UST: variants seen among roughly 807,000 people sequenced by gnomAD.
UST encodes the protein chondroitin sulfate 2-O-sulfotransferase.
A neutral mutation model predicts 45.6 loss-of-function variants in UST; 21 were observed. The observed-to-expected ratio is 0.46, with a 90% CI of 0.33 to 0.66. UST has a LOEUF of 0.66. Ranked by LOEUF, UST falls within the 30% of genes least tolerant of loss-of-function variation. The probability of loss-of-function intolerance (pLI) is 0.02; values close to 1 mark genes in which losing one functional copy is unlikely to be tolerated. For synonymous variants in UST, 215 were observed against 200.6 expected (o/e 1.07, Z -0.61); for missense variants, 463 against 512.4 (o/e 0.90, Z 0.93).
intron 1 of UST, among the ~76,000 whole-genome samples, chr6:148,838,998 T>C (rs1582844100): frequency 6.6e-6 from 1 of 152,190 alleles, no homozygotes; most frequent in Non-Finnish European, 1.5e-5. Context: ...CCGGCTAATA[T>C]TCGGATTCAA....
At position 148,847,606 on chromosome 6, in the gene UST, G is replaced by T. The variant is rs146041454; in HGVS notation, c.248-39380G>T. On this transcript the variant is annotated intron_variant, in intron 1 of 7. Transcript: ENST00000367463. ...TACACAAGGACATGAATACCAGGAGGTGGGGAGAACTGGGAGGTTCTCTTG... is the reference window on the plus strand; with the variant it reads ...TACACAAGGACATGAATACCAGGAGTTGGGGAGAACTGGGAGGTTCTCTTG... Among the ~76,000 whole-genome samples the T allele has an allele frequency of 4.6e-3, 703 of 152,308 alleles. 4 individuals are homozygous for T. Among genetic ancestry groups the T allele is most frequent in the African/African-American group, 0.016 (670 of 41,558 alleles).
chr6:148,941,313 G>A lies in UST; in HGVS notation c.326G>A (p.Arg109Lys). Reference protein sequence around the residue: ...LPFPSQVVYNRVGKCGSRTVV... With the variant: ...LPFPSQVVYNKVGKCGSRTVV... ...TTCCCAAGCCAGGTGGTGTACAACA[G>A]GGTAGGCAAGTGTGGGAGCCGTACT... Residue 109 changes from arginine to lysine, a missense_variant, in exon 3 of 8, where the codon AGG becomes AAG. Transcript: ENST00000367463. The A allele has an allele frequency of 6.2e-7, 1 of 1,612,642 alleles. No homozygotes were observed. Among genetic ancestry groups the A allele is most frequent in the Non-Finnish European group, 8.5e-7 (1 of 1,179,738 alleles).
At chr6:148,763,051 G>A (rs563524487) in intron 1 of UST, among the ~76,000 whole-genome samples, 47 of 152,210 alleles carry the variant, frequency 3.1e-4, no homozygotes, top group African/African-American at 1.0e-3. Context: ...ATGGTAGTTC[G>A]ATTTTTAGTT....
intron 2 of UST, among the ~76,000 whole-genome samples, chr6:148,896,295 G>A (rs1779127843): frequency 6.6e-6 from 1 of 152,198 alleles, no homozygotes; most frequent in African/African-American, 2.4e-5. Context: ...TATTTTTCAG[G>A]ATATAGACAT....
chr6:148,771,616 T>C (rs1776427896), intron 1 of UST, among the ~76,000 whole-genome samples: 2 of 152,160 alleles, frequency 1.3e-5, no homozygotes, highest in South Asian at 2.1e-4. Context: ...CTTTAGATAA[T>C]GAGTCGACTA....
At chr6:148,916,597 C>T (rs1429808776) in intron 2 of UST, among the ~76,000 whole-genome samples, 1 of 152,206 alleles carries the variant, frequency 6.6e-6, no homozygotes, top group African/African-American at 2.4e-5. Context: ...GAACTTGCCA[C>T]CCATCTGAGC....
In UST at chr6:148,780,128, T is replaced by C. The variant is rs113397340; in HGVS notation, c.247+32451T>C. On this transcript the variant is annotated intron_variant, in intron 1 of 7. Coordinates refer to ENST00000367463, the MANE Select transcript of UST (RefSeq NM_005715.3). ...ACAAATACATGTGTGTGTATATATA[T>C]ACACACACACACACACACTTATGCA... 7.3e-3 allele frequency among the ~76,000 whole-genome samples: 1,088 copies of C among 149,700 alleles called. 9 individuals are homozygous for C. Among genetic ancestry groups the C allele is most frequent in the African/African-American group, 0.018 (730 of 40,740 alleles).
At chr6:148,886,404 C>A (rs1778912890) in intron 1 of UST, among the ~76,000 whole-genome samples, 1 of 152,168 alleles carries the variant, frequency 6.6e-6, no homozygotes, top group African/African-American at 2.4e-5. Context: ...GTCTTTTATT[C>A]ATCAGGAAAC....
intron 7 of UST, among the ~76,000 whole-genome samples, chr6:149,030,849 G>A (rs532006211): frequency 2.0e-5 from 3 of 152,192 alleles, no homozygotes; most frequent in East Asian, 1.9e-4. Context: ...AACACCTGAC[G>A]TCTTTCCAGT....
At chr6:149,019,616 C>T (rs1775951400) in intron 6 of UST, among the ~76,000 whole-genome samples, 1 of 152,210 alleles carries the variant, frequency 6.6e-6, no homozygotes, top group Non-Finnish European at 1.5e-5. Flanking sequence ...CAGCCTGCTC[C>T]TGTACAGTGA....
At chr6:149,040,146 C>T (rs1776291231) in intron 7 of UST, among the ~76,000 whole-genome samples, 1 of 152,208 alleles carries the variant, frequency 6.6e-6, no homozygotes, top group Non-Finnish European at 1.5e-5. Context: ...ACTCAAACAA[C>T]TCAAACCTTG....
intron 1 of UST, among the ~76,000 whole-genome samples, chr6:148,761,646 G>A (rs1582794298): frequency 1.3e-5 from 2 of 152,242 alleles, no homozygotes; most frequent in East Asian, 3.9e-4. Context: ...GCAGGGCTGA[G>A]GAAGGAGGGT....
intron 2 of UST, among the ~76,000 whole-genome samples, chr6:148,938,197 T>C (rs1029732637): frequency 3.3e-5 from 5 of 152,212 alleles, no homozygotes; most frequent in Admixed American, 1.3e-4. Context: ...TTGTGTTAAT[T>C]AGTGTTAAGC....
chr6:148,891,371 A>C (rs1779015059), intron 2 of UST, among the ~76,000 whole-genome samples: 1 of 152,224 alleles, frequency 6.6e-6, no homozygotes, highest in Admixed American at 6.5e-5. Context: ...CCCATAGATA[A>C]GGAGAGCTGT....
chr6:148,785,181 A>G lies in UST; in HGVS notation c.247+37504A>G, dbSNP rs1282279754. On this transcript the variant is annotated intron_variant, in intron 1 of 7. Transcript: ENST00000367463. ...GAGCCACTGCACTGCAGCCTGGGCG[A>G]CAGAGCAAGACTCCATCTTAAAAAA... Among the ~76,000 whole-genome samples the G allele has an allele frequency of 4.6e-5, 7 of 151,972 alleles. No individual in the cohort carries two copies. In the East Asian group the frequency reaches 1.4e-3, roughly 29 times the overall value.
chr6:148,755,244 G>A (rs186892140), intron 1 of UST, among the ~76,000 whole-genome samples: 146 of 152,202 alleles, frequency 9.6e-4, no homozygotes, highest in Non-Finnish European at 1.7e-3. Context: ...AATTTATTTT[G>A]TATTCATGTT....
At position 149,046,278 on chromosome 6, in the gene UST, C is replaced by G. The variant is rs542147277; in HGVS notation, c.937+24797C>G. ...TTCTGTTGGGAATATGCAGGTCACACACAATTAGTGTTATAAGTTGGTCCC... is the reference window on the plus strand; with the variant it reads ...TTCTGTTGGGAATATGCAGGTCACAGACAATTAGTGTTATAAGTTGGTCCC... On this transcript the variant is annotated intron_variant, in intron 7 of 7. Coordinates refer to ENST00000367463, the MANE Select transcript of UST (RefSeq NM_005715.3). 9.3e-4 allele frequency among the ~76,000 whole-genome samples: 141 copies of G among 152,338 alleles called. 1 individual carries two copies. Among genetic ancestry groups the G allele is most frequent in the African/African-American group, 3.3e-3 (137 of 41,562 alleles).
intron 1 of UST, among the ~76,000 whole-genome samples, chr6:148,874,096 C>G (rs371723303): frequency 6.6e-6 from 1 of 152,232 alleles, no homozygotes; most frequent in South Asian, 2.1e-4. Context: ...CAGGTGAGAT[C>G]AGTTGACTGT....
At chr6:148,937,817 A>G (rs1780051424) in intron 2 of UST, among the ~76,000 whole-genome samples, 1 of 152,186 alleles carries the variant, frequency 6.6e-6, no homozygotes, top group East Asian at 1.9e-4. Context: ...GTTTGTTTCT[A>G]TGGAGGAATT....
Sources: allele counts gnomAD v4.1 joint callset (sites outside exome capture counted in the v4.1 genomes callset), GRCh38; gene constraint gnomAD v4.1.1; transcripts MANE v1.5; gene names NCBI Gene and HGNC (gene_info 2026-07-23, HGNC 2026-07-21).